The following WWOX variants were observed in gnomAD, a reference collection of about 807,000 sequenced individuals.
The protein encoded by WWOX is WW domain-containing oxidoreductase.
WWOX carries 69 observed loss-of-function variants against 46.2 expected under a neutral mutation model. The ratio of observed to expected loss-of-function variants is 1.49; its 90% CI spans 1.23 to 1.82. The LOEUF is 1.82. Among genes scored for constraint, WWOX ranks in the 40% most tolerant of loss-of-function variants. The pLI, the probability that WWOX is intolerant of heterozygous loss-of-function variation, is 0.00. For missense variants in WWOX, 919 were observed against 542.6 expected (o/e 1.69, Z -6.89); for synonymous variants, 359 against 202.6 (o/e 1.77, Z -6.56).
At chr16:78,414,495 G>A (rs1033396304) in intron 6 of WWOX, among the ~76,000 whole-genome samples, 1 of 152,198 alleles carries the variant, frequency 6.6e-6, no homozygotes, top group African/African-American at 2.4e-5. Flanking sequence ...CTTAAACCCA[G>A]GAGGAGGAGA....
At position 78,911,412 on chromosome 16, in the gene WWOX, G is replaced by T. The variant is rs180913510; in HGVS notation, c.1057-300196G>T. Among the ~76,000 whole-genome samples, 275 of 152,082 alleles carry T rather than the reference G, an allele frequency of 1.8e-3. 1 individual carries two copies. Among genetic ancestry groups the T allele is most frequent in the Middle Eastern group, 6.8e-3 (2 of 294 alleles). On this transcript the variant is annotated intron_variant, in intron 8 of 8. Coordinates refer to ENST00000566780, the MANE Select transcript of WWOX (RefSeq NM_016373.4). ...TCTTTTCTTTTTCTTGATGGCCTGG[G>T]TTGACCAGATCCTGACTTTTGTGGA... is the stretch of plus-strand genomic sequence containing the variant.
At chr16:78,920,872 C>T (rs374044464) in intron 8 of WWOX, among the ~76,000 whole-genome samples, 12 of 152,268 alleles carry the variant, frequency 7.9e-5, no homozygotes, top group South Asian at 2.1e-4. Flanking sequence ...CTGATGAGCT[C>T]GATGAGCAAA....
chr16:78,767,780 G>C (rs1051016003), intron 8 of WWOX, among the ~76,000 whole-genome samples: 46 of 152,092 alleles, frequency 3.0e-4, no homozygotes, highest in Non-Finnish European at 3.2e-4. Flanking sequence ...TTACCTCCCT[G>C]CAGTGTTGAT....
chr16:79,102,168 T>A (rs923152954), intron 8 of WWOX, among the ~76,000 whole-genome samples: 2 of 151,974 alleles, frequency 1.3e-5, no homozygotes, highest in African/African-American at 4.8e-5. Context: ...GAGGAATCAG[T>A]GAGAAATGTC....
In WWOX at chr16:78,388,022, C is replaced by T. The variant is rs116353022; in HGVS notation, c.605+1074C>T. On this transcript the variant is annotated intron_variant, in intron 6 of 8. Transcript: ENST00000566780. ...GATATTCAAATGGCCCTGTGGGGAG[C>T]TGACACCACACTGCTGTCTAGTGTC... 6.0e-3 allele frequency among the ~76,000 whole-genome samples: 907 copies of T among 152,140 alleles called. 10 individuals are homozygous for T. Among genetic ancestry groups the T allele is most frequent in the African/African-American group, 0.021 (859 of 41,520 alleles).
At chr16:78,987,716 G>C (rs760711938) in intron 8 of WWOX, among the ~76,000 whole-genome samples, 48 of 152,112 alleles carry the variant, frequency 3.2e-4, no homozygotes, top group Non-Finnish European at 5.4e-4. Flanking sequence ...TTCATTTCGC[G>C]CTAATGAGAG....
At chr16:78,798,831 A>G (rs2050811348) in intron 8 of WWOX, among the ~76,000 whole-genome samples, 1 of 152,200 alleles carries the variant, frequency 6.6e-6, no homozygotes, top group Non-Finnish European at 1.5e-5. Context: ...CTAATGTTCC[A>G]TATCAGATGC....
intron 5 of WWOX, among the ~76,000 whole-genome samples, chr16:78,200,461 A>G (rs1014656467): frequency 1.3e-5 from 2 of 150,544 alleles, no homozygotes; most frequent in African/African-American, 4.9e-5. Flanking sequence ...TCAGTTTCCC[A>G]GCATGTAAAA....
intron 8 of WWOX, among the ~76,000 whole-genome samples, chr16:78,611,184 C>G (rs926125548): frequency 6.6e-6 from 1 of 152,048 alleles, no homozygotes; most frequent in Non-Finnish European, 1.5e-5. Context: ...AAATTTTGCC[C>G]TTGGACAAGG....
chr16:78,779,940 A>C (rs1055936168), intron 8 of WWOX, among the ~76,000 whole-genome samples: 2 of 152,236 alleles, frequency 1.3e-5, no homozygotes, highest in Admixed American at 1.3e-4. Flanking sequence ...CCACAAATCA[A>C]TAATGAAAAG....
chr16:78,438,256 G>T (rs1408174635), intron 8 of WWOX, among the ~76,000 whole-genome samples: 1 of 152,088 alleles, frequency 6.6e-6, no homozygotes, highest in Admixed American at 6.6e-5. Context: ...TAATTGAAAA[G>T]CACAGAAACC....
intron 8 of WWOX, chr16:79,206,279 C>T (rs549446039): frequency 3.3e-5 from 5 of 152,174 alleles, no homozygotes; most frequent in Non-Finnish European, 7.3e-5. Context: ...AGCCGGAGCC[C>T]CGTGGAAGAC....
At chr16:79,129,404 T>C (rs1002778446) in intron 8 of WWOX, among the ~76,000 whole-genome samples, 1 of 148,252 alleles carries the variant, frequency 6.7e-6, no homozygotes, top group Non-Finnish European at 1.5e-5. Context: ...TGGAACGATC[T>C]TGATGTATCT....
chr16:78,612,467 A>T (rs745713423), intron 8 of WWOX, among the ~76,000 whole-genome samples: 65 of 152,088 alleles, frequency 4.3e-4, no homozygotes, highest in Non-Finnish European at 7.6e-4. Context: ...TTGGCACATG[A>T]TGTAGGTTTT....
At chr16:78,825,332 A>G (rs2051621452) in intron 8 of WWOX, 1 of 312,490 alleles carries the variant, frequency 3.2e-6, no homozygotes, top group Admixed American at 3.3e-5. Flanking sequence ...TGGCATCTTC[A>G]AAGCTGAACG....
At chr16:78,881,535 C>T (rs189984685) in intron 8 of WWOX, among the ~76,000 whole-genome samples, 4 of 152,126 alleles carry the variant, frequency 2.6e-5, no homozygotes, top group African/African-American at 7.2e-5. Context: ...TGCCAGGATC[C>T]TTGCTGGAAT....
intron 8 of WWOX, among the ~76,000 whole-genome samples, chr16:78,989,145 A>G (rs16949163): frequency 6.6e-6 from 1 of 151,938 alleles, no homozygotes; most frequent in Non-Finnish European, 1.5e-5. Flanking sequence ...AGTTCTGAAG[A>G]TGCTGAACCC....
intron 5 of WWOX, among the ~76,000 whole-genome samples, chr16:78,357,250 G>A (rs2081315276): frequency 6.6e-6 from 1 of 152,144 alleles, no homozygotes; most frequent in Non-Finnish European, 1.5e-5. Flanking sequence ...ATGCCAACAT[G>A]GGAGCCACTA....
chr16:78,310,960 A>G (rs1247588485), intron 5 of WWOX, among the ~76,000 whole-genome samples: 1 of 152,214 alleles, frequency 6.6e-6, no homozygotes, highest in Non-Finnish European at 1.5e-5. Flanking sequence ...CCCCAGAGAA[A>G]TAGACGAGTG....
Sources: allele counts gnomAD v4.1 joint callset (sites outside exome capture counted in the v4.1 genomes callset), GRCh38; gene constraint gnomAD v4.1.1; transcripts MANE v1.5; gene names NCBI Gene and HGNC (gene_info 2026-07-23, HGNC 2026-07-21).